TAFA2: variants seen among roughly 807,000 people sequenced by gnomAD.
The protein encoded by TAFA2 is TAFA chemokine like family member 2.
In TAFA2, 7 loss-of-function variants were observed where a neutral mutation model predicts 18.8. The observed-to-expected ratio is 0.37, with a 90% CI of 0.21 to 0.70. The LOEUF is 0.70. Among genes scored for constraint, TAFA2 ranks in the 30% least tolerant of loss-of-function variants. The pLI is 0.53. For synonymous variants in TAFA2, 60 were observed against 54.2 expected (o/e 1.11, Z -0.47); for missense variants, 122 against 158.1 (o/e 0.77, Z 1.23).
At chr12:61,832,524 C>A (rs1451637731) in intron 2 of TAFA2, among the ~76,000 whole-genome samples, 1 of 152,068 alleles carries the variant, frequency 6.6e-6, no homozygotes, top group Non-Finnish European at 1.5e-5. Context: ...AAGCCACCCC[C>A]ACTAGGCTTT....
At chr12:62,022,576 C>A (rs1881179258) in intron 1 of TAFA2, among the ~76,000 whole-genome samples, 1 of 152,134 alleles carries the variant, frequency 6.6e-6, no homozygotes, top group African/African-American at 2.4e-5. Context: ...TTCATTCAAT[C>A]CTCACTCATA....
At chr12:62,236,024 C>T (rs2062835590) in intron 1 of TAFA2, among the ~76,000 whole-genome samples, 1 of 151,912 alleles carries the variant, frequency 6.6e-6, no homozygotes, top group South Asian at 2.1e-4. Context: ...CTAAAAGTCT[C>T]TACACTTTAA....
At chr12:61,894,413 T>C (rs1028743396) in intron 1 of TAFA2, among the ~76,000 whole-genome samples, 1 of 152,214 alleles carries the variant, frequency 6.6e-6, no homozygotes, top group Non-Finnish European at 1.5e-5. Flanking sequence ...ATGTGGATAT[T>C]TGCATTGGAT....
intron 2 of TAFA2, among the ~76,000 whole-genome samples, chr12:61,850,830 G>C (rs1414709306): frequency 6.6e-6 from 1 of 152,028 alleles, no homozygotes; most frequent in African/African-American, 2.4e-5. Context: ...AAAATATAGA[G>C]AGATGACATT....
At chr12:62,235,238 C>T in intron 1 of TAFA2, 1 of 661,950 alleles carries the variant, frequency 1.5e-6, no homozygotes, top group Non-Finnish European at 2.8e-6. Flanking sequence ...CATGCTCAGG[C>T]AGTGGCATAC....
chr12:61,856,128 A>C (rs1873873903), intron 2 of TAFA2, among the ~76,000 whole-genome samples: 1 of 152,174 alleles, frequency 6.6e-6, no homozygotes, highest in African/African-American at 2.4e-5. Flanking sequence ...CTATCTTAAA[A>C]GTATCAATAT....
intron 1 of TAFA2, among the ~76,000 whole-genome samples, chr12:61,978,025 C>T (rs1879499346): frequency 6.6e-6 from 1 of 151,914 alleles, no homozygotes; most frequent in South Asian, 2.1e-4. Context: ...CAATAGTGAC[C>T]ATGATGAAGA....
intron 1 of TAFA2, among the ~76,000 whole-genome samples, chr12:62,111,220 A>C (rs1345982242): frequency 1.3e-5 from 2 of 152,012 alleles, no homozygotes; most frequent in African/African-American, 4.8e-5. Flanking sequence ...GAACTTATTT[A>C]TTTCTCCCTT....
intron 1 of TAFA2, among the ~76,000 whole-genome samples, chr12:62,160,060 C>T (rs184919258): frequency 3.4e-4 from 52 of 152,276 alleles, no homozygotes; most frequent in Admixed American, 1.2e-3. Flanking sequence ...ACATCATCTG[C>T]GTGCCAGTTC....
intron 2 of TAFA2, among the ~76,000 whole-genome samples, chr12:61,821,166 ATT>A (rs1319470749): frequency 4.1e-5 from 5 of 120,572 alleles, no homozygotes; most frequent in African/African-American, 1.6e-4. Context: ...CACACACACA[ATT>A]ATTTGGAGGG....
At chr12:62,235,209 T>C (rs1312569289) in intron 1 of TAFA2, 7 of 657,994 alleles carry the variant, frequency 1.1e-5, no homozygotes, top group East Asian at 2.8e-5. Flanking sequence ...GGGAGTCGCT[T>C]AGGGGCAGTA....
At chr12:61,921,255 A>T (rs1220129193) in intron 1 of TAFA2, among the ~76,000 whole-genome samples, 1 of 152,190 alleles carries the variant, frequency 6.6e-6, no homozygotes, top group Non-Finnish European at 1.5e-5. Context: ...GAAGAGTGCA[A>T]GTGAGCCACT....
At chr12:62,108,673 A>G (rs935277666) in intron 1 of TAFA2, among the ~76,000 whole-genome samples, 17 of 152,124 alleles carry the variant, frequency 1.1e-4, no homozygotes, top group African/African-American at 3.9e-4. Context: ...TTTAATGATC[A>G]CAATTCTAAC....
chr12:61,840,297 T>C (rs1046240950), intron 2 of TAFA2, among the ~76,000 whole-genome samples: 1 of 152,058 alleles, frequency 6.6e-6, no homozygotes, highest in African/African-American at 2.4e-5. Context: ...CAGTTCTGTA[T>C]TTCACTGTGC....
intron 1 of TAFA2, among the ~76,000 whole-genome samples, chr12:61,981,295 T>C (rs995564382): frequency 2.6e-5 from 4 of 152,158 alleles, no homozygotes; most frequent in African/African-American, 4.8e-5. Context: ...TTACGCCTTA[T>C]ACAAAAATTA....
intron 1 of TAFA2, among the ~76,000 whole-genome samples, chr12:61,989,078 GT>G (rs1294880334): frequency 6.6e-6 from 1 of 152,120 alleles, no homozygotes; most frequent in Non-Finnish European, 1.5e-5. Context: ...CATTAATAGT[GT>G]GCTGTATTGA....
intron 1 of TAFA2, among the ~76,000 whole-genome samples, chr12:62,068,379 T>C (rs1320116502): frequency 1.3e-5 from 2 of 152,254 alleles, no homozygotes; most frequent in East Asian, 3.9e-4. Context: ...TCAACCACAT[T>C]AGTGTCTTGA....
In TAFA2 at chr12:61,709,375, A is replaced by G. The variant is rs535768145; in HGVS notation, c.*1031T>C. The G allele has an allele frequency of 6.6e-6, 1 of 152,292 alleles. No homozygotes were observed. The highest frequency in any genetic ancestry group is 1.9e-4 in the East Asian group (1 of 5,174). The allele number at this position is 152,292 out of a possible 1,614,324, so 9.4% of individuals were successfully genotyped here. A position where few individuals can be genotyped will look rare whatever the true frequency, so the allele number is the denominator to read the frequency against. On this transcript the variant is annotated 3_prime_UTR_variant, in exon 5 of 5. Coordinates refer to ENST00000416284, the MANE Select transcript of TAFA2 (RefSeq NM_178539.5). ...TTCTATCAACAGATTGAACAAATAT[A>G]TAAGCATTCAAACAGTCATTGGGAT...
chr12:61,966,958 T>C (rs1879088818), intron 1 of TAFA2, among the ~76,000 whole-genome samples: 1 of 151,924 alleles, frequency 6.6e-6, no homozygotes, highest in Admixed American at 6.6e-5. Flanking sequence ...GTGTATATGC[T>C]ATTATGTTAA....
Sources: allele counts gnomAD v4.1 joint callset (sites outside exome capture counted in the v4.1 genomes callset), GRCh38; gene constraint gnomAD v4.1.1; transcripts MANE v1.5; gene names NCBI Gene and HGNC (gene_info 2026-07-23, HGNC 2026-07-21).